GNA14: variants seen among roughly 807,000 people sequenced by gnomAD.
GNA14 encodes G protein subunit alpha 14.
A neutral mutation model predicts 42.0 loss-of-function variants in GNA14; 50 were observed. That is an observed-to-expected ratio of 1.19 (90% CI 0.95 to 1.51). The LOEUF (loss-of-function observed/expected upper bound fraction) is 1.51. Ranked by LOEUF, GNA14 falls within the 40% of genes most tolerant of loss-of-function variation. The pLI, the probability that GNA14 is intolerant of heterozygous loss-of-function variation, is 0.00. For missense variants in GNA14, 473 were observed against 446.2 expected (o/e 1.06, Z -0.54); for synonymous variants, 173 against 163.1 (o/e 1.06, Z -0.46).
At chr9:77,621,196 C>T (rs576382647) in intron 1 of GNA14, among the ~76,000 whole-genome samples, 10 of 152,220 alleles carry the variant, frequency 6.6e-5, no homozygotes, top group Admixed American at 2.0e-4. Flanking sequence ...AGCCTCCCAA[C>T]GTGCTGTGAT....
chr9:77,618,061 GTTCTC>G (rs1390527488), intron 1 of GNA14, among the ~76,000 whole-genome samples: 1 of 151,980 alleles, frequency 6.6e-6, no homozygotes. Context: ...CAGGGCCTTT[GTTCTC>G]TTCTAAGTAC....
chr9:77,574,218 G>A (rs1225093838), intron 1 of GNA14, among the ~76,000 whole-genome samples: 1 of 152,182 alleles, frequency 6.6e-6, no homozygotes, highest in African/African-American at 2.4e-5. Context: ...ATAAGCAAGA[G>A]CATGACACTG....
intron 1 of GNA14, among the ~76,000 whole-genome samples, chr9:77,603,980 A>C (rs1293619617): frequency 7.6e-6 from 1 of 131,476 alleles, no homozygotes; most frequent in East Asian, 2.3e-4. Flanking sequence ...AAAAAAAAAA[A>C]ACACCTCTGA....
chr9:77,592,075 C>T (rs926764742), intron 1 of GNA14, among the ~76,000 whole-genome samples: 4 of 152,016 alleles, frequency 2.6e-5, no homozygotes, highest in Non-Finnish European at 5.9e-5. Context: ...CCACCATGCT[C>T]GGCTAATTTT....
intron 1 of GNA14, chr9:77,580,636 T>C (rs985972634): frequency 3.3e-5 from 13 of 397,666 alleles, no homozygotes; most frequent in Non-Finnish European, 6.6e-5. Flanking sequence ...TGACCTCCTC[T>C]CAGCCAGGCA....
chr9:77,648,191 G>C lies in GNA14; in HGVS notation c.-398C>G, dbSNP rs2118054683. The stretch of plus-strand genomic sequence containing the variant: ...GAACGTCGGTGCTCGGGGGAGAGTA[G>C]GATCTCCTGGGCCTAGGGGTGTCCC... On this transcript the variant is annotated 5_prime_UTR_variant, in exon 1 of 7. Coordinates refer to ENST00000341700, the MANE Select transcript of GNA14 (RefSeq NM_004297.4). 3 of 288,946 alleles carry C rather than the reference G, an allele frequency of 1.0e-5. No individual in the cohort carries two copies. Among genetic ancestry groups the C allele is most frequent in the Middle Eastern group, 1.2e-3 (1 of 850 alleles). 17.9% of individuals were successfully genotyped at this position (288,946 alleles called of 1,614,324 possible).
At chr9:77,597,035 G>A (rs1003860793) in intron 1 of GNA14, among the ~76,000 whole-genome samples, 2 of 152,168 alleles carry the variant, frequency 1.3e-5, no homozygotes, top group Admixed American at 6.5e-5. Context: ...AGGACCTCCT[G>A]AGGCTGTGTC....
chr9:77,488,315 G>C (rs949419413), intron 2 of GNA14, among the ~76,000 whole-genome samples: 1 of 152,184 alleles, frequency 6.6e-6, no homozygotes, highest in East Asian at 1.9e-4. Context: ...ACTGGAAAGA[G>C]TAAAATCAAG....
rs529254652 is a variant in GNA14, at chr9:77,553,302, G to C, written c.125-24049C>G. Among the ~76,000 whole-genome samples the C allele has an allele frequency of 1.0e-3, 157 of 152,246 alleles. 1 individual carries two copies. Among genetic ancestry groups the C allele is most frequent in the South Asian group, 6.2e-3 (30 of 4,820 alleles). ...AGGAATGTTTATGGAGAAACCATGT[G>C]TGGCAGGCACTACACTACACCTACC... On this transcript the variant is annotated intron_variant, in intron 1 of 6. Transcript: ENST00000341700.
At chr9:77,426,869 A>C (rs550913456) in intron 5 of GNA14, among the ~76,000 whole-genome samples, 1 of 152,316 alleles carries the variant, frequency 6.6e-6, no homozygotes, top group East Asian at 1.9e-4. Context: ...TCACAGTGAA[A>C]AACATCCAAG....
intron 2 of GNA14, among the ~76,000 whole-genome samples, chr9:77,501,496 ATCT>A (rs1207129093): frequency 6.6e-6 from 1 of 152,124 alleles, no homozygotes; most frequent in African/African-American, 2.4e-5. Context: ...CCATCTGTAT[ATCT>A]TCTTCACCGA....
chr9:77,517,857 A>G (rs1328158719), intron 2 of GNA14, among the ~76,000 whole-genome samples: 1 of 151,772 alleles, frequency 6.6e-6, no homozygotes, highest in Non-Finnish European at 1.5e-5. Flanking sequence ...CACCTGCCTC[A>G]GCCTCCCAAA....
chr9:77,548,964 A>G (rs900582030), intron 1 of GNA14, among the ~76,000 whole-genome samples: 2 of 151,522 alleles, frequency 1.3e-5, no homozygotes, highest in Non-Finnish European at 1.5e-5. Flanking sequence ...TTTCTAAGAC[A>G]GAGTCTTGCT....
chr9:77,580,625 C>T, intron 1 of GNA14: 1 of 417,032 alleles, frequency 2.4e-6, no homozygotes, highest in Non-Finnish European at 4.8e-6. Context: ...CTCACTTCGG[C>T]TGACCTCCTC....
chr9:77,508,507 G>A (rs995052067), intron 2 of GNA14, among the ~76,000 whole-genome samples: 5 of 152,154 alleles, frequency 3.3e-5, no homozygotes, highest in African/African-American at 1.2e-4. Flanking sequence ...TTGTGTATAT[G>A]TCTTGCTGGA....
At chr9:77,487,504 T>C (rs1298619972) in intron 2 of GNA14, among the ~76,000 whole-genome samples, 1 of 152,226 alleles carries the variant, frequency 6.6e-6, no homozygotes, top group Non-Finnish European at 1.5e-5. Context: ...ATTTTTGTAA[T>C]TGCCAAATAA....
At chr9:77,601,695 T>C (rs919570115) in intron 1 of GNA14, among the ~76,000 whole-genome samples, 2 of 152,178 alleles carry the variant, frequency 1.3e-5, no homozygotes, top group Non-Finnish European at 2.9e-5. Context: ...AACTGGCCTA[T>C]TGGAGAAAGA....
At chr9:77,523,408 A>C (rs1057504661) in intron 2 of GNA14, among the ~76,000 whole-genome samples, 1 of 152,056 alleles carries the variant, frequency 6.6e-6, no homozygotes, top group South Asian at 2.1e-4. Context: ...ACGCTTTCAA[A>C]CAACCAGAAT....
intron 2 of GNA14, among the ~76,000 whole-genome samples, chr9:77,441,771 A>C (rs561003503): frequency 6.6e-6 from 1 of 152,210 alleles, no homozygotes; most frequent in African/African-American, 2.4e-5. Context: ...CTGTAAAATC[A>C]CCCCTCTTTA....
Sources: gnomAD v4.1 joint callset for allele counts (sites outside exome capture counted in the v4.1 genomes callset) on GRCh38, gnomAD v4.1.1 for gene constraint, MANE v1.5 for transcripts, NCBI Gene and HGNC (gene_info 2026-07-23, HGNC 2026-07-21) for gene names.